Variants in ABTB2 observed in about 807,000 individuals in gnomAD.
ABTB2 encodes ankyrin repeat and BTB domain containing 2.
Under a neutral mutation model 104.1 loss-of-function variants are expected in ABTB2, and 56 were observed. The observed-to-expected ratio is 0.54, with a 90% CI of 0.43 to 0.67. The LOEUF is 0.67. ABTB2 is among the 30% of genes least tolerant of loss of function. The pLI is 0.00. For synonymous variants in ABTB2, 606 were observed against 608.2 expected (o/e 1.00, Z 0.05); for missense variants, 1,279 against 1,407.7 (o/e 0.91, Z 1.46).
chr11:34,322,878 C>T (rs1400738987), intron 1 of ABTB2, among the ~76,000 whole-genome samples: 1 of 152,014 alleles, frequency 6.6e-6, no homozygotes, highest in Middle Eastern at 3.2e-3. Flanking sequence ...GGGGTTTTAC[C>T]ATGTTGCCTA....
Position 34,216,969 on chromosome 11 carries a change from C to T in ABTB2, c.884-12279G>A, listed in dbSNP as rs149601808. Among the ~76,000 whole-genome samples the T allele has an allele frequency of 7.6e-3, 1,151 of 152,280 alleles. 2 individuals carry two copies. Among genetic ancestry groups the T allele is most frequent in the African/African-American group, 0.014 (584 of 41,562 alleles). ...ACACCTAGATGTTCCTGCCTCTTTC[C>T]GTGGCAATGACCTGATAACCTGGAA... On this transcript the variant is annotated intron_variant, in intron 1 of 16. Transcript: ENST00000435224.
At chr11:34,299,330 A>G (rs996003034) in intron 1 of ABTB2, among the ~76,000 whole-genome samples, 5 of 152,246 alleles carry the variant, frequency 3.3e-5, no homozygotes, top group African/African-American at 9.6e-5. Flanking sequence ...TGGACCAAAG[A>G]AAATGAAATC....
intron 1 of ABTB2, among the ~76,000 whole-genome samples, chr11:34,306,236 ATTTTTTTTTTTTTTT>A (rs34872949): frequency 7.4e-4 from 53 of 71,972 alleles, no homozygotes; most frequent in Admixed American, 3.3e-3. Flanking sequence ...GGAAAGTTTG[ATTTTTTTTTTTTTTT>A]TTTTTTTTTT....
intron 1 of ABTB2, among the ~76,000 whole-genome samples, chr11:34,312,216 C>T (rs1345398984): frequency 6.6e-6 from 1 of 152,112 alleles, no homozygotes; most frequent in Non-Finnish European, 1.5e-5. Flanking sequence ...CCTGGAAAGG[C>T]ATCTTCAACC....
At chr11:34,352,630 A>T (rs1029540956) in intron 1 of ABTB2, among the ~76,000 whole-genome samples, 1 of 152,184 alleles carries the variant, frequency 6.6e-6, no homozygotes, top group Admixed American at 6.5e-5. Flanking sequence ...AAGATCTTTC[A>T]ATCTATAGTC....
At chr11:34,306,735 T>A (rs1854778931) in intron 1 of ABTB2, among the ~76,000 whole-genome samples, 1 of 151,372 alleles carries the variant, frequency 6.6e-6, no homozygotes, top group African/African-American at 2.4e-5. Flanking sequence ...AAAAAAAAAA[T>A]AAGTAAAACC....
chr11:34,301,477 T>G (rs1229346614), intron 1 of ABTB2, among the ~76,000 whole-genome samples: 2 of 152,150 alleles, frequency 1.3e-5, no homozygotes, highest in African/African-American at 4.8e-5. Context: ...ACAATGAGCT[T>G]ACATAAATTG....
chr11:34,352,494 A>G (rs369253211), intron 1 of ABTB2, among the ~76,000 whole-genome samples: 2 of 152,198 alleles, frequency 1.3e-5, no homozygotes, highest in East Asian at 3.8e-4. Flanking sequence ...TATAAACTTC[A>G]TGAGAGGAGG....
At chr11:34,162,906 G>C in intron 9 of ABTB2, 101 bp from the exon 10 acceptor site, 1 of 1,140,406 alleles carries the variant, frequency 8.8e-7, no homozygotes, top group South Asian at 1.5e-5. Flanking sequence ...GGCTGCTCTG[G>C]GGTACCCGAG....
chr11:34,159,778 T>C, intron 13 of ABTB2, 128 bp downstream of exon 13: 4 of 746,490 alleles, frequency 5.4e-6, no homozygotes, highest in Non-Finnish European at 9.1e-6. Flanking sequence ...TCTGCTGCAA[T>C]GTGACTGCAG....
intron 1 of ABTB2, among the ~76,000 whole-genome samples, chr11:34,343,226 T>G (rs1227555166): frequency 6.6e-6 from 1 of 152,166 alleles, no homozygotes; most frequent in Non-Finnish European, 1.5e-5. Context: ...GTGATCCCTC[T>G]AGATGAGTTA....
chr11:34,333,649 G>A (rs1039079603), intron 1 of ABTB2, among the ~76,000 whole-genome samples: 2 of 152,118 alleles, frequency 1.3e-5, no homozygotes, highest in African/African-American at 2.4e-5. Flanking sequence ...CCAGCTACTC[G>A]GGAGGCTGAG....
At chr11:34,153,165 G>C (rs764643682) in intron 16 of ABTB2, among the ~76,000 whole-genome samples, 5 of 152,310 alleles carry the variant, frequency 3.3e-5, no homozygotes, top group African/African-American at 4.8e-5. Context: ...TGAAGGGCGG[G>C]AAAGAGCTTT....
intron 1 of ABTB2, among the ~76,000 whole-genome samples, chr11:34,294,693 G>C (rs534479993): frequency 3.7e-4 from 56 of 151,870 alleles, no homozygotes; most frequent in African/African-American, 1.3e-3. Context: ...GCAACATAGT[G>C]AGCCCTCGTG....
chr11:34,253,822 C>T (rs923033873), intron 1 of ABTB2, among the ~76,000 whole-genome samples: 4 of 152,178 alleles, frequency 2.6e-5, no homozygotes, highest in Non-Finnish European at 4.4e-5. Flanking sequence ...CAAAACTCTT[C>T]ATTCTCCCAA....
rs371381875 is a variant in ABTB2, at chr11:34,162,588, G to C, written c.2206C>G (p.Leu736Val). 3.7e-6 allele frequency: 6 copies of C among 1,613,444 alleles called. No homozygotes were observed. The highest frequency in any genetic ancestry group is 5.1e-6 in the Non-Finnish European group (6 of 1,179,930). Residue 736 changes from leucine to valine, a missense_variant, in exon 10 of 17, where the codon CTG becomes GTG. Physicochemically the swap from Leu to Val is conservative, Grantham distance 32 (BLOSUM62 1). Transcript: ENST00000435224. ...CGTGAGGCCTCACCCAGTGCCCTCA[G>C]CTCCATGGTGATGTCCACGTAGCCG... ...EHGYVDITME[L>V]RALGVPWKLH...
chr11:34,251,195 C>G (rs1356869614), intron 1 of ABTB2, among the ~76,000 whole-genome samples: 2 of 152,180 alleles, frequency 1.3e-5, no homozygotes, highest in African/African-American at 4.8e-5. Context: ...TATTCTGTGA[C>G]AACCAACACC....
chr11:34,167,440 TAAC>T, intron 6 of ABTB2, 80 bp from the exon 7 acceptor site: 1 of 1,109,282 alleles, frequency 9.0e-7, no homozygotes, highest in Non-Finnish European at 1.3e-6. Flanking sequence ...GAACCAGAGT[TAAC>T]AAGTGCTTTC....
intron 1 of ABTB2, among the ~76,000 whole-genome samples, chr11:34,329,811 G>A (rs1855109026): frequency 6.6e-6 from 1 of 152,188 alleles, no homozygotes; most frequent in Admixed American, 6.5e-5. Context: ...CCTACTTTGG[G>A]ACTTTTAAAC....
Sources: allele counts gnomAD v4.1 joint callset (sites outside exome capture counted in the v4.1 genomes callset), GRCh38; gene constraint gnomAD v4.1.1; transcripts MANE v1.5; gene names NCBI Gene and HGNC (gene_info 2026-07-23, HGNC 2026-07-21).